ITGA1: variants seen among roughly 807,000 people sequenced by gnomAD.
ITGA1 encodes the protein integrin subunit alpha 1.
ITGA1 carries 85 observed loss-of-function variants against 145.9 expected under a neutral mutation model. The ratio of observed to expected loss-of-function variants is 0.58; its 90% CI spans 0.49 to 0.70. The LOEUF (loss-of-function observed/expected upper bound fraction) is 0.70, where lower values mean the gene tolerates loss of function less well. Among genes scored for constraint, ITGA1 ranks in the 30% least tolerant of loss-of-function variants. The pLI is 0.00. For missense variants in ITGA1, 1,351 were observed against 1,418.7 expected, an observed-to-expected ratio of 0.95 and a Z score of 0.77; for synonymous variants, 520 against 495.3, an observed-to-expected ratio of 1.05 and a Z score of -0.66.
chr5:52,898,806 G>A (rs1331051154), intron 11 of ITGA1, among the ~76,000 whole-genome samples: 2 of 151,914 alleles, frequency 1.3e-5, no homozygotes. Flanking sequence ...TCTCTCTATG[G>A]GTCCTAATTT....
chr5:52,947,725 A>G (rs1003690033), intron 28 of ITGA1, among the ~76,000 whole-genome samples: 25 of 152,322 alleles, frequency 1.6e-4, no homozygotes, highest in African/African-American at 5.8e-4. Flanking sequence ...AGAGTTTAGT[A>G]TGATAGGGGA....
At chr5:52,855,822 T>G (rs2111762047) in intron 2 of ITGA1, among the ~76,000 whole-genome samples, 1 of 152,278 alleles carries the variant, frequency 6.6e-6, no homozygotes, top group Middle Eastern at 3.4e-3. Context: ...AGCTTGTTAT[T>G]AAAAGTTTCA....
In ITGA1 at chr5:52,945,029, A is replaced by C. The variant is rs1176116193; in HGVS notation, c.3372A>C (p.Lys1124Asn). The change falls in exon 27 of 29, where the codon AAA (lysine) becomes AAC (asparagine). Residue 1124 changes from lysine to asparagine, a missense_variant. By Grantham distance (94) the Lys-to-Asn change is moderately conservative. Transcript: ENST00000282588. ...TGGTTTTAAGTAGCAGCAATCAAAAAAGAGAGGTAAGTGCAACATGAGTTT... is the reference window on the plus strand; with the variant it reads ...TGGTTTTAAGTAGCAGCAATCAAAACAGAGAGGTAAGTGCAACATGAGTTT... Reference protein sequence around the residue: ...ASLVLSSSNQKRELAIQISKD... With the variant: ...ASLVLSSSNQNRELAIQISKD... 5 of 1,608,910 alleles carry C rather than the reference A, an allele frequency of 3.1e-6. No individual in the cohort carries two copies. In the South Asian group the frequency reaches 5.5e-5, roughly 18 times the overall value.
chr5:52,840,398 C>T (rs999284517), intron 1 of ITGA1, among the ~76,000 whole-genome samples: 3 of 152,214 alleles, frequency 2.0e-5, no homozygotes, highest in African/African-American at 7.2e-5. Context: ...AGCTGGAGAA[C>T]AGAGTTCTGT....
intron 1 of ITGA1, among the ~76,000 whole-genome samples, chr5:52,810,112 G>A (rs758577735): frequency 1.1e-4 from 17 of 152,186 alleles, no homozygotes; most frequent in Admixed American, 2.0e-4. Flanking sequence ...AGCTTCTTTC[G>A]TTTTTAGGAC....
rs2113052 is a variant in ITGA1, at chr5:52,821,226, C to T, written c.62-28139C>T. Among the ~76,000 whole-genome samples the T allele has an allele frequency of 9.5e-3, 1,441 of 152,214 alleles. 76 individuals are homozygous for T. Among genetic ancestry groups the T allele is most frequent in the Admixed American group, 0.078 (1,190 of 15,262 alleles). On this transcript the variant is annotated intron_variant, in intron 1 of 28. Coordinates refer to ENST00000282588, the MANE Select transcript of ITGA1 (RefSeq NM_181501.2). ...GCATTAAGATTAAGGATGACTGTGACGGCCTTTAGTTTGCATTTTTAGACT... is the reference window on the plus strand; with the variant it reads ...GCATTAAGATTAAGGATGACTGTGATGGCCTTTAGTTTGCATTTTTAGACT...
chr5:52,788,066 T>G lies in ITGA1; in HGVS notation c.-288T>G. 2.6e-6 allele frequency: 1 copy of G among 383,932 alleles called. No individual in the cohort carries two copies. Among genetic ancestry groups the G allele is most frequent in the Non-Finnish European group, 4.7e-6 (1 of 214,168 alleles). The allele number at this position is 383,932 out of a possible 1,614,324, so 23.8% of individuals were successfully genotyped here. On this transcript the variant is annotated 5_prime_UTR_variant, in exon 1 of 29. Transcript: ENST00000282588. ...GAAGCTGGCTTTATTTGTCCATGTCTCGGACAGAGCCTGGGAAGCTGCCAG... is the reference window on the plus strand; with the variant it reads ...GAAGCTGGCTTTATTTGTCCATGTCGCGGACAGAGCCTGGGAAGCTGCCAG...
intron 15 of ITGA1, 152 bp from the exon 16 acceptor site, chr5:52,918,580 C>T (rs901979639): frequency 1.6e-6 from 1 of 619,094 alleles, no homozygotes; most frequent in African/African-American, 1.9e-5. Flanking sequence ...ATAATCTCTT[C>T]TGTAACAATG....
intron 14 of ITGA1, among the ~76,000 whole-genome samples, chr5:52,912,082 A>G (rs891029363): frequency 1.5e-4 from 21 of 142,210 alleles, no homozygotes; most frequent in Non-Finnish European, 2.9e-4. Context: ...TATATATAGT[A>G]TATAGATACA....
intron 7 of ITGA1, among the ~76,000 whole-genome samples, chr5:52,884,361 C>T (rs892165386): frequency 5.3e-5 from 8 of 151,492 alleles, no homozygotes; most frequent in Non-Finnish European, 1.0e-4. Context: ...GCAGGAGAAG[C>T]GCCTGAACCC....
intron 6 of ITGA1, among the ~76,000 whole-genome samples, chr5:52,871,200 A>G (rs1230276439): frequency 6.6e-6 from 1 of 152,252 alleles, no homozygotes; most frequent in South Asian, 2.1e-4. Flanking sequence ...AGACAGAACC[A>G]TATGAAAGTA....
chr5:52,791,751 G>C (rs1010161801), intron 1 of ITGA1, among the ~76,000 whole-genome samples: 15 of 8,076 alleles, frequency 1.9e-3, no homozygotes, highest in African/African-American at 6.1e-3. Flanking sequence ...CCCTCAGCTT[G>C]TTGATTAGCC....
At chr5:52,885,922 A>G (rs1750039177) in intron 7 of ITGA1, among the ~76,000 whole-genome samples, 1 of 152,200 alleles carries the variant, frequency 6.6e-6, no homozygotes, top group African/African-American at 2.4e-5. Flanking sequence ...TTATATAGGA[A>G]CATACGGCAC....
chr5:52,860,738 C>A (rs562830841), intron 2 of ITGA1, among the ~76,000 whole-genome samples: 5 of 152,238 alleles, frequency 3.3e-5, no homozygotes, highest in Admixed American at 6.5e-5. Context: ...TTTAGTTCAT[C>A]CGATTCCTGA....
intron 1 of ITGA1, among the ~76,000 whole-genome samples, chr5:52,830,433 A>G (rs1361700396): frequency 6.6e-6 from 1 of 152,120 alleles, no homozygotes; most frequent in Non-Finnish European, 1.5e-5. Flanking sequence ...AATCCTAATC[A>G]TTTTACCAGA....
intron 9 of ITGA1, among the ~76,000 whole-genome samples, chr5:52,895,864 A>AT (rs1268697580): frequency 6.6e-6 from 1 of 152,054 alleles, no homozygotes; most frequent in African/African-American, 2.4e-5. Context: ...ACTATTTCTT[A>AT]TTTTTTTCAT....
intron 1 of ITGA1, among the ~76,000 whole-genome samples, chr5:52,790,140 A>AGT (rs1248055173): frequency 6.6e-6 from 1 of 152,150 alleles, no homozygotes; most frequent in East Asian, 1.9e-4. Context: ...GGGACTCATC[A>AGT]CCATACTTAT....
rs1343119391 is a variant in ITGA1, at chr5:52,910,294, G to T, written c.1732G>T (p.Val578Leu). 6.2e-7 allele frequency: 1 copy of T among 1,613,904 alleles called. No homozygotes were observed. Among genetic ancestry groups the T allele is most frequent in the African/African-American group, 1.3e-5 (1 of 74,902 alleles). The change falls in exon 14 of 29, where the codon GTA becomes TTA. Residue 578 changes from valine (V) to leucine (L), a missense_variant. By Grantham distance (32) the Val-to-Leu change is conservative (BLOSUM62 1). Coordinates refer to ENST00000282588, the MANE Select transcript of ITGA1 (RefSeq NM_181501.2). The stretch of plus-strand genomic sequence containing the variant: ...TCGTTTTGGAACTGCAATTGCTGCT[G>T]TAAAAGACCTCAATCTTGATGGATT... ...GARFGTAIAAVKDLNLDGFND... is the reference protein window; with the variant it reads ...GARFGTAIAALKDLNLDGFND...
intron 11 of ITGA1, among the ~76,000 whole-genome samples, chr5:52,901,494 T>C (rs1451872630): frequency 6.6e-6 from 1 of 152,178 alleles, no homozygotes; most frequent in Non-Finnish European, 1.5e-5. Flanking sequence ...TACTAATAAG[T>C]ATTGAGTATT....
Sources: allele counts gnomAD v4.1 joint callset (sites outside exome capture counted in the v4.1 genomes callset), GRCh38; gene constraint gnomAD v4.1.1; transcripts MANE v1.5; gene names NCBI Gene and HGNC (gene_info 2026-07-23, HGNC 2026-07-21).